LAMA2: variants seen among roughly 807,000 people sequenced by gnomAD.
LAMA2 encodes the protein laminin subunit alpha 2, also known as laminin subunit alpha-2.
A neutral mutation model predicts 364.8 loss-of-function variants in LAMA2; 269 were observed. That is an observed-to-expected ratio of 0.74 (90% CI 0.67 to 0.82). The LOEUF is 0.82. Among genes scored for constraint, LAMA2 ranks in the 40% least tolerant of loss-of-function variants. The pLI, the probability that LAMA2 is intolerant of heterozygous loss-of-function variation, is 0.00. For synonymous variants in LAMA2, 1,379 were observed against 1,370.6 expected, an observed-to-expected ratio of 1.01 and a Z score of -0.14; for missense variants, 3,807 against 3,873.2, an observed-to-expected ratio of 0.98 and a Z score of 0.45.
chr6:129,407,976 G>A (rs1438748049), intron 40 of LAMA2, among the ~76,000 whole-genome samples: 1 of 152,174 alleles, frequency 6.6e-6, no homozygotes, highest in East Asian at 1.9e-4. Flanking sequence ...CTTGGAGGTA[G>A]GAGGGCCCCA....
At chr6:128,933,651 A>G (rs1380059627) in intron 1 of LAMA2, among the ~76,000 whole-genome samples, 1 of 152,002 alleles carries the variant, frequency 6.6e-6, no homozygotes, top group Non-Finnish European at 1.5e-5. Context: ...TGTGGTTTTG[A>G]TTTGTATTTC....
chr6:129,046,856 C>T (rs1787546125), intron 1 of LAMA2, among the ~76,000 whole-genome samples: 1 of 152,218 alleles, frequency 6.6e-6, no homozygotes, highest in African/African-American at 2.4e-5. Flanking sequence ...ACTTCTATTT[C>T]TCCTTGAAAA....
chr6:129,225,828 G>C (rs1226506752), intron 12 of LAMA2, among the ~76,000 whole-genome samples: 1 of 152,180 alleles, frequency 6.6e-6, no homozygotes, highest in African/African-American at 2.4e-5. Context: ...GGGGTGGAGA[G>C]TTCTGCAAAT....
intron 2 of LAMA2, among the ~76,000 whole-genome samples, chr6:129,057,561 A>G (rs1052852668): frequency 6.6e-5 from 10 of 152,292 alleles, no homozygotes; most frequent in African/African-American, 2.4e-4. Flanking sequence ...TCACACATTT[A>G]TTTTTAATTT....
chr6:128,924,946 C>G (rs777889758), intron 1 of LAMA2, among the ~76,000 whole-genome samples: 1 of 152,074 alleles, frequency 6.6e-6, no homozygotes, highest in Non-Finnish European at 1.5e-5. Flanking sequence ...GAATATATTT[C>G]GGTTGTAAAA....
At chr6:129,350,112 G>T (rs1413190308) in intron 31 of LAMA2, among the ~76,000 whole-genome samples, 1 of 152,070 alleles carries the variant, frequency 6.6e-6, no homozygotes, top group Non-Finnish European at 1.5e-5. Flanking sequence ...CAGTATCCTG[G>T]ATATTCAAAC....
intron 51 of LAMA2, among the ~76,000 whole-genome samples, chr6:129,468,082 G>A (rs1006308711): frequency 7.3e-5 from 11 of 151,672 alleles, no homozygotes; most frequent in Non-Finnish European, 1.5e-4. Flanking sequence ...ATTGACTCTA[G>A]ACTCACATTG....
In LAMA2 at chr6:129,349,363, A is replaced by G. The variant is rs1022553884; in HGVS notation, c.4502A>G (p.Tyr1501Cys). The change falls in exon 31 of 65, where the codon TAT becomes TGT. Residue 1501 changes from tyrosine (Y) to cysteine (C), a missense_variant. Physicochemically the swap from Tyr to Cys is radical, Grantham distance 194 (BLOSUM62 -2). Transcript: ENST00000421865. The stretch of plus-strand genomic sequence containing the variant: ...CGCTGCACGGCTTGTCCACGGGGAT[A>G]TGAAGGCCAGTACTGTGAAAGGTAC... ...DYRCTACPRG[Y>C]EGQYCERCAP... is the part of the protein sequence containing the mutation. The G allele has an allele frequency of 6.2e-6, 10 of 1,613,376 alleles. No individual in the cohort carries two copies. In the African/African-American group the frequency reaches 1.2e-4, roughly 19 times the overall value.
In LAMA2 at chr6:129,505,335, A is replaced by G. The variant is rs1240046485; in HGVS notation, c.8683A>G (p.Thr2895Ala). 3 of 1,613,656 alleles carry G rather than the reference A, an allele frequency of 1.9e-6. No homozygotes were observed. The highest frequency in any genetic ancestry group is 2.5e-6 in the Non-Finnish European group (3 of 1,179,642). The change falls in exon 61 of 65, where the codon ACT becomes GCT. Residue 2895 changes from threonine to alanine, a missense_variant. This residue lies in a region of LAMA2 where 3,333 missense variants were observed against 3,345.7 expected (regional missense o/e 1.00). Transcript: ENST00000421865. Reference protein sequence around the residue: ...LYVGGLPINYTTRRIGPVTYS... With the variant: ...LYVGGLPINYATRRIGPVTYS... ...TGTTGGTGGGTTACCCATCAACTAC[A>G]CTACCCGAAGAATTGGTCCAGTAAA...
chr6:128,993,912 C>A (rs1300676427), intron 1 of LAMA2, among the ~76,000 whole-genome samples: 1 of 152,096 alleles, frequency 6.6e-6, no homozygotes, highest in African/African-American at 2.4e-5. Context: ...TTGAACAATA[C>A]ATTATAATGT....
intron 9 of LAMA2, among the ~76,000 whole-genome samples, chr6:129,169,000 T>C (rs565335122): frequency 6.6e-6 from 1 of 152,314 alleles, no homozygotes; most frequent in African/African-American, 2.4e-5. Context: ...GTGACTTTTG[T>C]ACATTGATTT....
intron 4 of LAMA2, among the ~76,000 whole-genome samples, chr6:129,103,651 GT>G (rs1562241741): frequency 6.6e-6 from 1 of 152,024 alleles, no homozygotes; most frequent in East Asian, 1.9e-4. Flanking sequence ...TTTTTTCATG[GT>G]TAAACTGGGC....
intron 12 of LAMA2, among the ~76,000 whole-genome samples, chr6:129,224,445 C>T (rs1043959288): frequency 7.9e-5 from 12 of 152,030 alleles, no homozygotes; most frequent in African/African-American, 2.9e-4. Context: ...GGAATGCTTC[C>T]AGTTTTTGCC....
intron 31 of LAMA2, among the ~76,000 whole-genome samples, chr6:129,351,444 A>C (rs909260096): frequency 6.6e-6 from 1 of 152,178 alleles, no homozygotes; most frequent in Non-Finnish European, 1.5e-5. Flanking sequence ...GTCCTCAAAC[A>C]TTGTTATAGC....
At chr6:128,961,347 ATATATATATATATATATATATT>A (rs1781499622) in intron 1 of LAMA2, among the ~76,000 whole-genome samples, 1 of 61,174 alleles carries the variant, frequency 1.6e-5, no homozygotes, top group African/African-American at 7.0e-5. Context: ...ATATATATAT[ATATATATATATATATATATATT>A]AGTTTATTAA....
At chr6:129,320,121 A>G (rs958402674) in intron 27 of LAMA2, among the ~76,000 whole-genome samples, 7 of 151,148 alleles carry the variant, frequency 4.6e-5, no homozygotes, top group African/African-American at 1.7e-4. Context: ...TGACAGAGTG[A>G]GACTCTGTCT....
intron 41 of LAMA2, among the ~76,000 whole-genome samples, chr6:129,437,243 T>C (rs536004258): frequency 6.6e-6 from 1 of 152,092 alleles, no homozygotes; most frequent in Non-Finnish European, 1.5e-5. Context: ...CTTAGGAAAT[T>C]TACTCAACTT....
chr6:129,313,716 T>A (rs1424302439), intron 23 of LAMA2, among the ~76,000 whole-genome samples: 2 of 152,142 alleles, frequency 1.3e-5, no homozygotes, highest in Non-Finnish European at 2.9e-5. Context: ...ATAAATGCAG[T>A]TTAAACTGTG....
At position 129,427,867 on chromosome 6, in the gene LAMA2, A is replaced by C. The variant is rs765504063; in HGVS notation, c.5968+13A>C. 6.6e-7 allele frequency: 1 copy of C among 1,508,766 alleles called. No homozygotes were observed. The highest frequency in any genetic ancestry group is 9.2e-7 in the Non-Finnish European group (1 of 1,084,364). The allele number at this position is 1,508,766 out of a possible 1,614,324, so 93.5% of individuals were successfully genotyped here. On this transcript the variant is annotated intron_variant, in intron 41 of 64. Transcript: ENST00000421865. The stretch of plus-strand genomic sequence containing the variant: ...AATGATGTAAAAGGTCAGTGTGGCC[A>C]TAGTTTTTATTATATTCCAGTTAAT...
Sources: gnomAD v4.1 joint callset for allele counts (sites outside exome capture counted in the v4.1 genomes callset) on GRCh38, gnomAD v4.1.1 for gene constraint, gnomAD v4.1.1 regional missense constraint, MANE v1.5 for transcripts, NCBI Gene and HGNC (gene_info 2026-07-23, HGNC 2026-07-21) for gene names.